ADAMTSL1: variants seen among roughly 807,000 people sequenced by gnomAD.
ADAMTSL1 encodes the protein ADAMTS like 1.
ADAMTSL1 carries 126 observed loss-of-function variants against 201.8 expected under a neutral mutation model. The ratio of observed to expected loss-of-function variants is 0.62; its 90% CI spans 0.54 to 0.72. The LOEUF (loss-of-function observed/expected upper bound fraction) is 0.72. Among genes scored for constraint, ADAMTSL1 ranks in the 30% least tolerant of loss-of-function variants. The probability of loss-of-function intolerance (pLI) is 0.00; values close to 1 mark genes in which losing one functional copy is unlikely to be tolerated. For missense variants in ADAMTSL1, 2,679 were observed against 2,277.8 expected (o/e 1.18, Z -3.59); for synonymous variants, 1,121 against 903.4 (o/e 1.24, Z -4.32).
chr9:18,261,815 A>G (rs1293346310), intron 2 of ADAMTSL1, among the ~76,000 whole-genome samples: 1 of 152,180 alleles, frequency 6.6e-6, no homozygotes, highest in Non-Finnish European at 1.5e-5. Flanking sequence ...TTCTGGAAGC[A>G]CCCTAAATAA....
Position 17,952,864 on chromosome 9 carries a change from G to A in ADAMTSL1, c.87+45942G>A, listed in dbSNP as rs1007062836. On this transcript the variant is annotated intron_variant, in intron 1 of 29. Transcript: ENST00000680146. ...TAGCAACTATAATTTAAATCTGTAC[G>A]CTATGAGATAATAAGTCTTATCTGG... Among the ~76,000 whole-genome samples, 6 of 151,752 alleles carry A rather than the reference G, an allele frequency of 4.0e-5. 1 individual carries two copies. Among genetic ancestry groups the A allele is most frequent in the South Asian group, 4.1e-4 (2 of 4,822 alleles).
chr9:18,884,604 T>C (rs1392911582), intron 23 of ADAMTSL1, among the ~76,000 whole-genome samples: 1 of 152,144 alleles, frequency 6.6e-6, no homozygotes, highest in Admixed American at 6.6e-5. Context: ...GTGTAAGTCA[T>C]TTGTTCACAT....
intron 1 of ADAMTSL1, among the ~76,000 whole-genome samples, chr9:18,119,316 G>A (rs879884121): frequency 6.6e-6 from 1 of 151,816 alleles, no homozygotes; most frequent in African/African-American, 2.4e-5. Flanking sequence ...CTTGAGAGAT[G>A]GAGTCTCTCT....
intron 2 of ADAMTSL1, among the ~76,000 whole-genome samples, chr9:18,378,139 G>A (rs1837389161): frequency 6.6e-6 from 1 of 152,126 alleles, no homozygotes; most frequent in African/African-American, 2.4e-5. Flanking sequence ...GATCGCTTTT[G>A]TTAACTCATA....
intron 1 of ADAMTSL1, among the ~76,000 whole-genome samples, chr9:18,044,864 C>A (rs16936268): frequency 4.6e-5 from 7 of 152,152 alleles, no homozygotes; most frequent in African/African-American, 1.7e-4. Flanking sequence ...AAGTATGGCT[C>A]TCTGGCTCTC....
chr9:17,949,833 A>T lies in ADAMTSL1; in HGVS notation c.87+42911A>T, dbSNP rs1827658332. 2.0e-5 allele frequency among the ~76,000 whole-genome samples: 3 copies of T among 152,124 alleles called. No homozygotes were observed. In the South Asian group the frequency reaches 6.2e-4, roughly 32 times the overall value. On this transcript the variant is annotated intron_variant, in intron 1 of 29. Transcript: ENST00000680146. ...CAGGTCTGTGACATGATTTCCTGAA[A>T]AGCTTGTAAATGTAGAACCACTCTT...
At position 18,312,466 on chromosome 9, in the gene ADAMTSL1, GTGGCCTTA is replaced by G. The variant is rs1834192507; in HGVS notation, c.207+148488_207+148495del. 3.3e-5 allele frequency among the ~76,000 whole-genome samples: 5 copies of G among 152,326 alleles called. No homozygotes were observed. The South Asian group carries it at 8.3e-4, about 25-fold the overall frequency. ...AGTTACAGGAAATGGCTGCTAAGTG[GTGGCCTTA>G]TGCACTGGCCTTGGCCTTGAACTTG... On this transcript the variant is annotated intron_variant, in intron 2 of 29. Coordinates refer to the ADAMTSL1 transcript ENST00000680146.
At chr9:18,633,167 C>T (rs943161985) in intron 5 of ADAMTSL1, among the ~76,000 whole-genome samples, 8 of 152,210 alleles carry the variant, frequency 5.3e-5, no homozygotes, top group Non-Finnish European at 7.3e-5. Flanking sequence ...TTTCCTTTTA[C>T]TTGCACTTTA....
intron 1 of ADAMTSL1, among the ~76,000 whole-genome samples, chr9:18,153,420 G>A (rs533893224): frequency 1.3e-5 from 2 of 152,088 alleles, no homozygotes; most frequent in East Asian, 1.9e-4. Flanking sequence ...TTTTTAAAAA[G>A]CCTTCATTAA....
intron 2 of ADAMTSL1, among the ~76,000 whole-genome samples, chr9:18,391,757 A>C (rs938388088): frequency 2.3e-4 from 35 of 151,312 alleles, no homozygotes; most frequent in African/African-American, 7.8e-4. Context: ...GACAATGAAG[A>C]CTCAGATGAT....
At chr9:18,782,694 T>C (rs1216281657) in intron 19 of ADAMTSL1, among the ~76,000 whole-genome samples, 3 of 152,180 alleles carry the variant, frequency 2.0e-5, no homozygotes, top group African/African-American at 7.2e-5. Context: ...AATAAGAGAA[T>C]GATTTGGTGA....
chr9:18,207,148 A>G (rs1237282659), intron 2 of ADAMTSL1, among the ~76,000 whole-genome samples: 1 of 152,048 alleles, frequency 6.6e-6, no homozygotes, highest in Non-Finnish European at 1.5e-5. Flanking sequence ...CTGGGTGATA[A>G]GAGTGAAACT....
intron 1 of ADAMTSL1, among the ~76,000 whole-genome samples, chr9:17,959,793 C>G (rs538829486): frequency 2.6e-5 from 4 of 152,084 alleles, no homozygotes; most frequent in Non-Finnish European, 4.4e-5. Flanking sequence ...CTTCTTTCTT[C>G]TACCCTGACC....
rs564745396 is a variant in ADAMTSL1, at chr9:18,862,250, G to A, written c.4250-25581G>A. On this transcript the variant is annotated intron_variant, in intron 23 of 28. Transcript: ENST00000380548. ...GGTTCTTTTTTTGTGTTGGGGTAAAGGGCGTTATTTCTTTTGCAGAGGCTC... is the reference window on the plus strand; with the variant it reads ...GGTTCTTTTTTTGTGTTGGGGTAAAAGGCGTTATTTCTTTTGCAGAGGCTC... 1.4e-3 allele frequency among the ~76,000 whole-genome samples: 210 copies of A among 152,286 alleles called. 1 individual carries two copies. The highest frequency in any genetic ancestry group is 4.9e-3 in the African/African-American group (203 of 41,558).
chr9:18,277,161 A>T (rs200555619), intron 2 of ADAMTSL1, among the ~76,000 whole-genome samples: 2 of 152,350 alleles, frequency 1.3e-5, no homozygotes, highest in South Asian at 2.1e-4. Flanking sequence ...GTGACTTCAC[A>T]TATGATCTAT....
chr9:18,823,736 C>A (rs1408852404), intron 21 of ADAMTSL1, among the ~76,000 whole-genome samples: 1 of 152,192 alleles, frequency 6.6e-6, no homozygotes, highest in Non-Finnish European at 1.5e-5. Flanking sequence ...TGCCTGTAAT[C>A]CCAACACTTT....
chr9:18,703,686 G>A (rs565858904), intron 13 of ADAMTSL1, among the ~76,000 whole-genome samples: 58 of 70,914 alleles, frequency 8.2e-4, no homozygotes, highest in East Asian at 1.3e-3. Context: ...AATTACACAC[G>A]TGCATGCGCA....
intron 12 of ADAMTSL1, among the ~76,000 whole-genome samples, chr9:18,683,856 A>G (rs1187802902): frequency 6.6e-6 from 1 of 152,218 alleles, no homozygotes; most frequent in Non-Finnish European, 1.5e-5. Flanking sequence ...TTAAAATACC[A>G]TATAATTCTA....
chr9:18,173,735 A>G (rs1181738980), intron 2 of ADAMTSL1, among the ~76,000 whole-genome samples: 1 of 152,174 alleles, frequency 6.6e-6, no homozygotes, highest in Non-Finnish European at 1.5e-5. Context: ...ATACAGAGTA[A>G]AATTCGGTTT....
Sources: allele counts gnomAD v4.1 joint callset (sites outside exome capture counted in the v4.1 genomes callset), GRCh38; gene constraint gnomAD v4.1.1; transcripts MANE v1.5; gene names NCBI Gene and HGNC (gene_info 2026-07-23, HGNC 2026-07-21).